Variants in SPAST observed in about 807,000 individuals in gnomAD.
SPAST encodes the protein spastin.
In SPAST, 30 loss-of-function variants were observed where a neutral mutation model predicts 76.6. That is an observed-to-expected ratio of 0.39 (90% CI 0.29 to 0.53). The LOEUF (loss-of-function observed/expected upper bound fraction) is 0.53, where lower values mean the gene tolerates loss of function less well. SPAST is among the 20% of genes least tolerant of loss of function. The pLI, the probability that SPAST is intolerant of heterozygous loss-of-function variation, is 0.68. For synonymous variants in SPAST, 305 were observed against 281.0 expected (o/e 1.09, Z -0.86); for missense variants, 717 against 770.5 (o/e 0.93, Z 0.82).
At position 32,139,977 on chromosome 2, in the gene SPAST, C is replaced by G. The variant is rs368514322; in HGVS notation, c.1494-1927C>G. On this transcript the variant is annotated intron_variant, in intron 12 of 16. Transcript: ENST00000315285. ...GGTGACACAAATAAATGGAAAAACA[C>G]TCCATGCTCATGGATTGGAAGAATC... 2.3e-4 allele frequency among the ~76,000 whole-genome samples: 35 copies of G among 151,936 alleles called. 1 individual carries two copies. In the South Asian group the frequency reaches 6.7e-3, roughly 29 times the overall value.
chr2:32,076,672 A>G (rs1676973342), intron 1 of SPAST, among the ~76,000 whole-genome samples: 1 of 152,112 alleles, frequency 6.6e-6, no homozygotes, highest in African/African-American at 2.4e-5. Context: ...ACACACCATG[A>G]AAGTCTACCA....
intron 9 of SPAST, 104 bp from the exon 10 acceptor site, chr2:32,136,459 G>A (rs1375971245): frequency 1.1e-6 from 1 of 879,730 alleles, no homozygotes; most frequent in Non-Finnish European, 1.9e-6. Context: ...GTTGTTTTAA[G>A]GAAGGGAAAT....
intron 8 of SPAST, chr2:32,127,416 C>G (rs1679232590): frequency 5.1e-6 from 1 of 197,610 alleles, no homozygotes. Context: ...CTGCACCTGG[C>G]TGATACACTT....
Position 32,143,357 on chromosome 2 carries a change from A to T in SPAST, c.1558A>T (p.Asn520Tyr). Residue 520 changes from asparagine (N) to tyrosine (Y), a missense_variant, in exon 14 of 17, where the codon AAT becomes TAT. Physicochemically the swap from Asn to Tyr is moderately radical, Grantham distance 143 (BLOSUM62 -2). This residue lies in a region of SPAST where 96 missense variants were observed against 127.6 expected (regional missense o/e 0.75). Coordinates refer to ENST00000315285, the MANE Select transcript of SPAST (RefSeq NM_014946.4). ...TCAGACAAGACTACTTTTGCTTAAA[A>T]ATCTGTTATGTAAACAAGGAAGTCC... is the stretch of plus-strand genomic sequence containing the variant. The part of the protein sequence containing the change: ...NEETRLLLLK[N>Y]LLCKQGSPLT... 6.2e-7 allele frequency: 1 copy of T among 1,601,704 alleles called. No individual in the cohort carries two copies. The highest frequency in any genetic ancestry group is 1.1e-5 in the South Asian group (1 of 90,530).
intron 11 of SPAST, 70 bp downstream of exon 11, chr2:32,137,038 T>G (rs1260396683): frequency 6.5e-7 from 1 of 1,548,428 alleles, no homozygotes; most frequent in Non-Finnish European, 8.9e-7. Context: ...TGGCCAAGGT[T>G]AAAAATACAA....
chr2:32,143,954 GCT>G (rs1679804908), intron 14 of SPAST, among the ~76,000 whole-genome samples: 1 of 152,084 alleles, frequency 6.6e-6, no homozygotes, highest in African/African-American at 2.4e-5. Context: ...ATACTTTTCA[GCT>G]CTTTTAATAA....
In SPAST at chr2:32,155,098, T is replaced by C. The variant is rs1244865699; in HGVS notation, c.*602T>C. Reference sequence around the variant, plus strand: ...TCATAAATCTACAGACATTAAACAATTGTTGTGTTCTTTTTACCTTTTATT... The same window carrying C: ...TCATAAATCTACAGACATTAAACAACTGTTGTGTTCTTTTTACCTTTTATT... On this transcript the variant is annotated 3_prime_UTR_variant, in exon 17 of 17. Coordinates refer to ENST00000315285, the MANE Select transcript of SPAST (RefSeq NM_014946.4). 2.6e-5 allele frequency: 4 copies of C among 153,282 alleles called. No homozygotes were observed. Among genetic ancestry groups the C allele is most frequent in the Middle Eastern group, 3.4e-3 (1 of 294 alleles). The allele number at this position is 153,282 out of a possible 1,614,324, so 9.5% of individuals were successfully genotyped here.
chr2:32,071,190 C>G (rs1676735727), intron 1 of SPAST, among the ~76,000 whole-genome samples: 1 of 152,162 alleles, frequency 6.6e-6, no homozygotes, highest in Non-Finnish European at 1.5e-5. Flanking sequence ...CGTTTGATTT[C>G]TCAAGTACAT....
At chr2:32,121,328 T>G (rs1187225170) in intron 7 of SPAST, among the ~76,000 whole-genome samples, 2 of 151,546 alleles carry the variant, frequency 1.3e-5, no homozygotes, top group African/African-American at 4.9e-5. Context: ...AATTTTTGTA[T>G]TTTTAGTAGA....
chr2:32,114,183 T>C (rs544985784), intron 4 of SPAST, among the ~76,000 whole-genome samples: 6 of 152,294 alleles, frequency 3.9e-5, no homozygotes, highest in Admixed American at 3.9e-4. Context: ...GGTGGGAGGA[T>C]TGCCTGAGCC....
intron 4 of SPAST, among the ~76,000 whole-genome samples, chr2:32,104,358 A>G (rs1225539224): frequency 6.6e-6 from 1 of 151,972 alleles, no homozygotes; most frequent in Non-Finnish European, 1.5e-5. Flanking sequence ...TGCACGTGAG[A>G]TGGGTTTCCT....
At chr2:32,089,874 C>T (rs1677642280) in intron 3 of SPAST, among the ~76,000 whole-genome samples, 1 of 152,106 alleles carries the variant, frequency 6.6e-6, no homozygotes, top group African/African-American at 2.4e-5. Context: ...CGCCATTCTC[C>T]TGCCTCAGCC....
At chr2:32,077,599 T>G (rs1677016414) in intron 1 of SPAST, among the ~76,000 whole-genome samples, 1 of 152,154 alleles carries the variant, frequency 6.6e-6, no homozygotes, top group Admixed American at 6.6e-5. Flanking sequence ...CATATTGCTA[T>G]TAAATGGTGG....
At chr2:32,105,627 A>C (rs1413974816) in intron 4 of SPAST, among the ~76,000 whole-genome samples, 1 of 152,168 alleles carries the variant, frequency 6.6e-6, no homozygotes, top group Non-Finnish European at 1.5e-5. Flanking sequence ...GGTGACGTAC[A>C]GATGGGGTTT....
intron 1 of SPAST, among the ~76,000 whole-genome samples, chr2:32,082,453 T>C (rs1677276450): frequency 6.6e-6 from 1 of 151,968 alleles, no homozygotes; most frequent in Non-Finnish European, 1.5e-5. Context: ...TCCCAGCACT[T>C]TGGGAGGCCG....
At chr2:32,077,744 A>G (rs1677022970) in intron 1 of SPAST, 1 of 152,240 alleles carries the variant, frequency 6.6e-6, no homozygotes, top group Admixed American at 6.5e-5. Context: ...GAAAACGTAC[A>G]GTAGATAATT....
intron 2 of SPAST, 69 bp downstream of exon 2, chr2:32,087,647 C>CTATTTATT (rs202142071): frequency 1.4e-5 from 7 of 516,102 alleles, no homozygotes; most frequent in South Asian, 5.6e-5. Flanking sequence ...GATTTCAGAT[C>CTATTTATT]TATTTATTTA....
intron 16 of SPAST, 143 bp from the exon 17 acceptor site, chr2:32,154,231 C>G (rs1680178382): frequency 1.5e-6 from 1 of 674,186 alleles, no homozygotes; most frequent in Admixed American, 2.8e-5. Flanking sequence ...ATTTAAATGG[C>G]TGACATAATT....
intron 1 of SPAST, among the ~76,000 whole-genome samples, chr2:32,079,437 G>A (rs959238862): frequency 6.6e-6 from 1 of 151,680 alleles, no homozygotes; most frequent in African/African-American, 2.4e-5. Flanking sequence ...CTTAAGCCTA[G>A]GAGGCGGAGG....
Sources: gnomAD v4.1 joint callset for allele counts (sites outside exome capture counted in the v4.1 genomes callset) on GRCh38, gnomAD v4.1.1 for gene constraint, gnomAD v4.1.1 regional missense constraint, MANE v1.5 for transcripts, NCBI Gene and HGNC (gene_info 2026-07-23, HGNC 2026-07-21) for gene names.